Variants in NTN4 observed in about 807,000 individuals in gnomAD.
NTN4 encodes the protein netrin-4.
Under a neutral mutation model 73.6 loss-of-function variants are expected in NTN4, and 32 were observed. The ratio of observed to expected loss-of-function variants is 0.44; its 90% CI spans 0.33 to 0.58. The LOEUF (loss-of-function observed/expected upper bound fraction) is 0.58, where lower values mean the gene tolerates loss of function less well. NTN4 is among the 20% of genes least tolerant of loss of function. The pLI, the probability that NTN4 is intolerant of heterozygous loss-of-function variation, is 0.04. For synonymous variants in NTN4, 258 were observed against 287.5 expected (o/e 0.90, Z 1.04); for missense variants, 654 against 798.3 (o/e 0.82, Z 2.18).
At chr12:95,667,276 G>A (rs969851663) in intron 8 of NTN4, among the ~76,000 whole-genome samples, 2 of 149,656 alleles carry the variant, frequency 1.3e-5, no homozygotes, top group Non-Finnish European at 3.0e-5. Context: ...TGCAACCTCC[G>A]CCTCCGAGGT....
chr12:95,711,875 G>A (rs978095908), intron 4 of NTN4, among the ~76,000 whole-genome samples: 1 of 152,108 alleles, frequency 6.6e-6, no homozygotes, highest in African/African-American at 2.4e-5. Flanking sequence ...TTTTTGTGGA[G>A]GTCAAATGTA....
chr12:95,734,069 CAAAAAAA>C (rs34550049), intron 3 of NTN4, among the ~76,000 whole-genome samples: 60 of 94,244 alleles, frequency 6.4e-4, no homozygotes, highest in African/African-American at 9.3e-4. Flanking sequence ...GACTCCATTT[CAAAAAAA>C]AAAAAAAAAA....
At chr12:95,695,125 C>CAAAA (rs199994570) in intron 5 of NTN4, among the ~76,000 whole-genome samples, 3 of 136,578 alleles carry the variant, frequency 2.2e-5, no homozygotes, top group South Asian at 4.7e-4. Flanking sequence ...GAGACTGTCT[C>CAAAA]AAAAAAAAAA....
intron 2 of NTN4, among the ~76,000 whole-genome samples, chr12:95,754,882 C>T (rs983257392): frequency 3.9e-5 from 6 of 152,114 alleles, no homozygotes; most frequent in African/African-American, 7.2e-5. Flanking sequence ...CACATGGACG[C>T]GCATGAAAGT....
intron 8 of NTN4, 43 bp downstream of exon 8, chr12:95,670,035 G>T: frequency 8.4e-7 from 1 of 1,194,954 alleles, no homozygotes; most frequent in Non-Finnish European, 1.2e-6. Flanking sequence ...TCTGAACTTA[G>T]TGTGAATAGG....
chr12:95,696,648 A>G (rs1361748049), intron 5 of NTN4, among the ~76,000 whole-genome samples: 2 of 151,966 alleles, frequency 1.3e-5, no homozygotes, highest in Non-Finnish European at 2.9e-5. Context: ...GTTTTGATGA[A>G]CCTCCTAGAA....
At chr12:95,705,987 A>C (rs1192926034) in intron 5 of NTN4, among the ~76,000 whole-genome samples, 1 of 152,232 alleles carries the variant, frequency 6.6e-6, no homozygotes, top group Admixed American at 6.5e-5. Context: ...GGATTGAAAA[A>C]ATAATAAAAA....
At chr12:95,666,716 T>C (rs148383253) in intron 8 of NTN4, among the ~76,000 whole-genome samples, 1 of 152,352 alleles carries the variant, frequency 6.6e-6, no homozygotes, top group Non-Finnish European at 1.5e-5. Context: ...TGTTTAATGT[T>C]ATGATAGAGA....
rs940587365 is a variant in NTN4 at position 95,781,491 on chromosome 12, T to C, written c.585+5448A>G. ...GGAGGAGGGCGAGCATCAGGAAGAATAGCTAATGGATGCTGGGCTTAATAC... is the reference window on the plus strand; with the variant it reads ...GGAGGAGGGCGAGCATCAGGAAGAACAGCTAATGGATGCTGGGCTTAATAC... On this transcript the variant is annotated intron_variant, in intron 2 of 9. Transcript: ENST00000343702. The surrounding 1 kb of genome is among the most constrained non-coding windows in gnomAD (Gnocchi z 4.1). Among the ~76,000 whole-genome samples the C allele has an allele frequency of 1.3e-5, 2 of 152,004 alleles. No individual in the cohort carries two copies. The highest frequency in any genetic ancestry group is 6.6e-5 in the Admixed American group (1 of 15,266).
chr12:95,672,749 A>G lies in NTN4; in HGVS notation c.1511-2603T>C, dbSNP rs143444459. The G allele has an allele frequency of 1.0e-4, 143 of 1,374,282 alleles. No individual in the cohort carries two copies. The African/African-American group carries it at 1.6e-3, about 16-fold the overall frequency. The allele number at this position is 1,374,282 out of a possible 1,614,324, so 85.1% of individuals were successfully genotyped here. ...AGGTATGCAGACCTCACAGATGATC[A>G]GCTATCCTCCTGTGAGAGTCTGAAG... On this transcript the variant is annotated intron_variant, in intron 7 of 9. Coordinates refer to ENST00000343702, the MANE Select transcript of NTN4 (RefSeq NM_021229.4).
intron 2 of NTN4, among the ~76,000 whole-genome samples, chr12:95,740,652 A>G (rs1296123495): frequency 2.6e-5 from 4 of 152,246 alleles, no homozygotes; most frequent in African/African-American, 9.6e-5. Flanking sequence ...AAAATATTAA[A>G]GATAATAAGT....
intron 5 of NTN4, among the ~76,000 whole-genome samples, chr12:95,692,987 A>G (rs1307131824): frequency 2.0e-5 from 3 of 152,110 alleles, no homozygotes; most frequent in African/African-American, 7.2e-5. Context: ...TCAGGCATCT[A>G]GTGGCACCAA....
rs1465626598 is a variant in NTN4, at chr12:95,742,386, T to A, written c.586-4242A>T. Among the ~76,000 whole-genome samples the A allele has an allele frequency of 3.3e-5, 5 of 150,324 alleles. No homozygotes were observed. The East Asian group carries it at 9.8e-4, about 29-fold the overall frequency. On this transcript the variant is annotated intron_variant, in intron 2 of 9. Transcript: ENST00000343702. ...GCGTTAAAAAAAAAAAAAAGCATGC[T>A]ATATGTCTTATTTATGCTTTGAGAT...
chr12:95,668,518 T>C (rs2078200586), intron 8 of NTN4, among the ~76,000 whole-genome samples: 2 of 152,340 alleles, frequency 1.3e-5, no homozygotes, highest in Middle Eastern at 3.4e-3. Context: ...GAGAGGGAAG[T>C]GTACATATAA....
At chr12:95,744,915 G>A (rs1287706543) in intron 2 of NTN4, among the ~76,000 whole-genome samples, 1 of 150,142 alleles carries the variant, frequency 6.7e-6, no homozygotes, top group South Asian at 2.1e-4. Flanking sequence ...TTTTTGCTGG[G>A]TATAGAATTC....
chr12:95,711,071 A>T (rs1355261500), intron 4 of NTN4, among the ~76,000 whole-genome samples: 2 of 152,198 alleles, frequency 1.3e-5, no homozygotes, highest in Non-Finnish European at 2.9e-5. Context: ...CAATACAAAA[A>T]TCAAAGCAAT....
chr12:95,735,899 T>A (rs955830312), intron 3 of NTN4, among the ~76,000 whole-genome samples: 73 of 143,080 alleles, frequency 5.1e-4, no homozygotes, highest in Admixed American at 3.9e-3. Context: ...ATGATTTTTT[T>A]TAAATTTTTA....
intron 2 of NTN4, among the ~76,000 whole-genome samples, chr12:95,739,358 A>G (rs904946376): frequency 1.3e-5 from 2 of 152,204 alleles, no homozygotes; most frequent in Non-Finnish European, 2.9e-5. Flanking sequence ...AAGCTTAAAC[A>G]ACATTGTATC....
At position 95,790,490 on chromosome 12, in the gene NTN4, G is replaced by C. The variant is rs913949713; in HGVS notation, c.-181C>G. On this transcript the variant is annotated 5_prime_UTR_variant, in exon 1 of 10. Transcript: ENST00000343702. The surrounding 1 kb of genome is among the most constrained non-coding windows in gnomAD (Gnocchi z 6.5). The stretch of plus-strand genomic sequence containing the variant: ...GCTGGGAGCCAGGGGCCGGGACCGC[G>C]CGGGGAGGTGGGGTGACCCTCGCGC... 1 of 483,342 alleles carries C rather than the reference G, an allele frequency of 2.1e-6. No individual in the cohort carries two copies. The highest frequency in any genetic ancestry group is 4.4e-5 in the Admixed American group (1 of 22,576). 29.9% of individuals were successfully genotyped at this position (483,342 alleles called of 1,614,324 possible). A position where few individuals can be genotyped will look rare whatever the true frequency, so the allele number is the denominator to read the frequency against.
Sources: allele counts gnomAD v4.1 joint callset (sites outside exome capture counted in the v4.1 genomes callset), GRCh38; gene constraint gnomAD v4.1.1; non-coding constraint Gnocchi (gnomAD v3.1); transcripts MANE v1.5; gene names NCBI Gene and HGNC (gene_info 2026-07-23, HGNC 2026-07-21).